The following DCBLD2 variants were observed in gnomAD, a reference collection of about 807,000 sequenced individuals.
DCBLD2 encodes discoidin, CUB and LCCL domain-containing protein 2.
In DCBLD2, 54 loss-of-function variants were observed where a neutral mutation model predicts 86.8. The ratio of observed to expected loss-of-function variants is 0.62; its 90% CI spans 0.50 to 0.78. The LOEUF (loss-of-function observed/expected upper bound fraction) is 0.78. Ranked by LOEUF, DCBLD2 falls within the 30% of genes least tolerant of loss-of-function variation. DCBLD2 has a pLI of 0.00. For synonymous variants in DCBLD2, 354 were observed against 341.3 expected, an observed-to-expected ratio of 1.04 and a Z score of -0.41; for missense variants, 908 against 954.2, an observed-to-expected ratio of 0.95 and a Z score of 0.64.
Position 98,799,457 on chromosome 3 carries a change from A to C in DCBLD2, c.2243T>G (p.Leu748Trp). The change falls in exon 16 of 16, where the codon TTG becomes TGG. Residue 748 changes from leucine (L) to tryptophan (W), a missense_variant. Physicochemically the swap from Leu to Trp is moderately conservative, Grantham distance 61. Coordinates refer to ENST00000326840, the MANE Select transcript of DCBLD2 (RefSeq NM_080927.4). ...TGTGCTCTGTGGCACCTGGTACACC[A>C]ATTCGTCTGGGGCAGGTAGACCTGG... ...GKPGLPAPDE[L>W]VYQVPQSTQE... The C allele has an allele frequency of 1.2e-6, 2 of 1,613,982 alleles. No homozygotes were observed. The highest frequency in any genetic ancestry group is 1.7e-6 in the Non-Finnish European group (2 of 1,179,880).
In DCBLD2 at chr3:98,797,694, A is replaced by T. The variant is rs1187444974; in HGVS notation, c.*1678T>A. ...ATAAGGCCAAAAAACCATACCACAA[A>T]AGGACAGGAAGCCTGCAGAAATAAA... On this transcript the variant is annotated 3_prime_UTR_variant, in exon 16 of 16. Coordinates refer to ENST00000326840, the MANE Select transcript of DCBLD2 (RefSeq NM_080927.4). 1 of 152,204 alleles carries T rather than the reference A, an allele frequency of 6.6e-6. No individual in the cohort carries two copies. The highest frequency in any genetic ancestry group is 1.5e-5 in the Non-Finnish European group (1 of 68,026). The allele number at this position is 152,204 out of a possible 1,614,324, so 9.4% of individuals were successfully genotyped here. A position where few individuals can be genotyped will look rare whatever the true frequency, so the allele number is the denominator to read the frequency against.
intron 1 of DCBLD2, among the ~76,000 whole-genome samples, chr3:98,886,257 A>G (rs1943560489): frequency 2.0e-5 from 3 of 152,030 alleles, no homozygotes; most frequent in South Asian, 2.1e-4. Flanking sequence ...CAAATGATAT[A>G]TATTTTTTCT....
rs377742486 is a variant in DCBLD2, at chr3:98,811,460, A to T, written c.1450+8T>A. ...AATATCAAATTCTCACATTAAAAAC[A>T]GGCATACCTTTGGCTATTTTTGGAG... On this transcript the variant is annotated splice_region_variant and intron_variant, in intron 11 of 15. Coordinates refer to ENST00000326840, the MANE Select transcript of DCBLD2 (RefSeq NM_080927.4). The T allele has an allele frequency of 1.2e-6, 2 of 1,613,464 alleles. No homozygotes were observed. The highest frequency in any genetic ancestry group is 1.7e-6 in the Non-Finnish European group (2 of 1,179,628).
chr3:98,812,602 T>A (rs278378), intron 9 of DCBLD2, 120 bp from the exon 10 acceptor site: 18 of 768,796 alleles, frequency 2.3e-5, no homozygotes, highest in Admixed American at 3.5e-5. Context: ...GAAAGTATGA[T>A]AATAAGGATC....
At chr3:98,898,375 C>T (rs1312468000) in intron 1 of DCBLD2, among the ~76,000 whole-genome samples, 2 of 150,262 alleles carry the variant, frequency 1.3e-5, no homozygotes, top group Admixed American at 6.6e-5. Flanking sequence ...GACACTGAAG[C>T]ACATTTCTAC....
At chr3:98,846,560 G>A (rs1247224368) in intron 3 of DCBLD2, among the ~76,000 whole-genome samples, 3 of 152,192 alleles carry the variant, frequency 2.0e-5, no homozygotes, top group African/African-American at 7.2e-5. Context: ...AATGCTTGAT[G>A]GATGGGATAA....
chr3:98,885,007 C>G (rs1354110770), intron 1 of DCBLD2, among the ~76,000 whole-genome samples: 1 of 152,040 alleles, frequency 6.6e-6, no homozygotes, highest in Non-Finnish European at 1.5e-5. Context: ...ACTGCCCTTT[C>G]CAACATGAAG....
At position 98,901,214 on chromosome 3, in the gene DCBLD2, G is replaced by T; in HGVS notation, c.113C>A (p.Pro38His). The T allele has an allele frequency of 6.5e-7, 1 of 1,535,362 alleles. No individual in the cohort carries two copies. Among genetic ancestry groups the T allele is most frequent in the Non-Finnish European group, 8.7e-7 (1 of 1,146,122 alleles). Residue 38 changes from proline to histidine, a missense_variant, in exon 1 of 16, where the codon CCC becomes CAC. Transcript: ENST00000326840. ...GGAGAAGGAGGAGGAGTTGGAGCAG[G>T]GAGGGAGGGAGCGGGAGAGGGGGAG... ...AALPLSRSLP[P>H]CSNSSSFSMP...
intron 2 of DCBLD2, 68 bp from the exon 3 acceptor site, chr3:98,849,666 A>T: frequency 1.3e-6 from 2 of 1,527,070 alleles, no homozygotes; most frequent in Non-Finnish European, 1.8e-6. Context: ...TGCAATGTAG[A>T]TAACAGAAGC....
chr3:98,870,747 AAG>A (rs777155071), intron 2 of DCBLD2, among the ~76,000 whole-genome samples: 1 of 112,892 alleles, frequency 8.9e-6, no homozygotes, highest in Admixed American at 8.4e-5. Context: ...AAAAGAAAGA[AAG>A]AAAGAAAGAA....
In DCBLD2 at chr3:98,825,312, T is replaced by C. The variant is rs1328415338; in HGVS notation, c.623+3A>G. The C allele has an allele frequency of 1.4e-6, 2 of 1,479,954 alleles. No individual in the cohort carries two copies. The allele number at this position is 1,479,954 out of a possible 1,614,324, so 91.7% of individuals were successfully genotyped here. A position where few individuals can be genotyped will look rare whatever the true frequency, so the allele number is the denominator to read the frequency against. ...AAAAAAAAAGTCACAAATATAATCA[T>C]ACCTGAACTCAGGTTCCAAAAAATT... On this transcript the variant is annotated splice_donor_region_variant and intron_variant, in intron 4 of 15. Transcript: ENST00000326840.
intron 2 of DCBLD2, among the ~76,000 whole-genome samples, chr3:98,871,472 TGAG>T (rs560742914): frequency 1.2e-4 from 19 of 152,286 alleles, no homozygotes; most frequent in East Asian, 7.7e-4. Context: ...CCTAGTTTGT[TGAG>T]GAGTTTTATC....
At chr3:98,801,767 CA>C (rs1941724967) in intron 13 of DCBLD2, 118 bp from the exon 14 acceptor site, 2 of 673,070 alleles carry the variant, frequency 3.0e-6, no homozygotes, top group Non-Finnish European at 4.9e-6. Flanking sequence ...CAAGTGTTCT[CA>C]TTGTTCAATT....
At chr3:98,882,514 T>C (rs926130697) in intron 1 of DCBLD2, among the ~76,000 whole-genome samples, 3 of 152,168 alleles carry the variant, frequency 2.0e-5, no homozygotes, top group African/African-American at 7.2e-5. Flanking sequence ...GTTGGTTTGC[T>C]GTGCCCATCA....
intron 1 of DCBLD2, among the ~76,000 whole-genome samples, chr3:98,884,646 A>G (rs1172033059): frequency 6.6e-6 from 1 of 152,130 alleles, no homozygotes; most frequent in Non-Finnish European, 1.5e-5. Context: ...ACTACTGAAA[A>G]GATGAAAACA....
At chr3:98,877,136 T>C (rs374339433) in intron 2 of DCBLD2, among the ~76,000 whole-genome samples, 5 of 152,256 alleles carry the variant, frequency 3.3e-5, no homozygotes, top group African/African-American at 1.2e-4. Flanking sequence ...TTGAGAATCA[T>C]GTTAATGTTT....
In DCBLD2 at chr3:98,830,416, T is replaced by C. The variant is rs190416757; in HGVS notation, c.572-5050A>G. ...TCTATCTTGAGTTGATTTTTGGATA[T>C]GATATAAGGAAGGGGTCCAGCTTCA... On this transcript the variant is annotated intron_variant, in intron 3 of 15. Coordinates refer to ENST00000326840, the MANE Select transcript of DCBLD2 (RefSeq NM_080927.4). Among the ~76,000 whole-genome samples the C allele has an allele frequency of 4.8e-3, 725 of 152,308 alleles. 4 individuals are homozygous for C. The highest frequency in any genetic ancestry group is 0.016 in the African/African-American group (685 of 41,560).
At chr3:98,877,281 G>A (rs985615789) in intron 2 of DCBLD2, among the ~76,000 whole-genome samples, 1 of 152,184 alleles carries the variant, frequency 6.6e-6, no homozygotes, top group African/African-American at 2.4e-5. Context: ...GGTGGTGGTG[G>A]AGTAAGAACC....
chr3:98,876,632 C>T (rs1297714962), intron 2 of DCBLD2, among the ~76,000 whole-genome samples: 2 of 152,088 alleles, frequency 1.3e-5, no homozygotes, highest in Admixed American at 1.3e-4. Context: ...GTATAACTTC[C>T]AATTTAGCAA....
Sources: allele counts gnomAD v4.1 joint callset (sites outside exome capture counted in the v4.1 genomes callset), GRCh38; gene constraint gnomAD v4.1.1; transcripts MANE v1.5; gene names NCBI Gene and HGNC (gene_info 2026-07-23, HGNC 2026-07-21).